SLC4A5: variants seen among roughly 807,000 people sequenced by gnomAD.
The protein encoded by SLC4A5 is solute carrier family 4 member 5.
In SLC4A5, 96 loss-of-function variants were observed where a neutral mutation model predicts 120.4. The observed-to-expected ratio is 0.80, with a 90% confidence interval of 0.68 to 0.94. The LOEUF (loss-of-function observed/expected upper bound fraction) is 0.94. Among genes scored for constraint, SLC4A5 ranks in the 40% least tolerant of loss-of-function variants. The pLI, the probability that SLC4A5 is intolerant of heterozygous loss-of-function variation, is 0.00. For synonymous variants in SLC4A5, 550 were observed against 571.1 expected (o/e 0.96, Z 0.53); for missense variants, 1,259 against 1,459.5 (o/e 0.86, Z 2.24).
At chr2:74,273,013 A>G (rs1280548536) in intron 8 of SLC4A5, among the ~76,000 whole-genome samples, 1 of 152,220 alleles carries the variant, frequency 6.6e-6, no homozygotes, top group African/African-American at 2.4e-5. Context: ...GCAGTTTTCA[A>G]TGGCTGCATT....
chr2:74,227,739 T>A (rs1694900308), intron 26 of SLC4A5, 71 bp downstream of exon 26: 2 of 1,396,290 alleles, frequency 1.4e-6, no homozygotes, highest in South Asian at 1.3e-5. Context: ...GAATTGGGGG[T>A]CTTGGTGACA....
chr2:74,285,751 C>T (rs754154782), intron 8 of SLC4A5, 22 bp downstream of exon 8: 5 of 1,606,144 alleles, frequency 3.1e-6, no homozygotes, highest in East Asian at 4.5e-5. Context: ...GTGCCCACCT[C>T]CCTCGTGGGG....
intron 6 of SLC4A5, among the ~76,000 whole-genome samples, chr2:74,305,725 T>C (rs1672622491): frequency 7.0e-6 from 1 of 142,986 alleles, no homozygotes; most frequent in African/African-American, 2.6e-5. Flanking sequence ...TCTTTCCTTT[T>C]TTTTTTTTTT....
At chr2:74,262,377 T>C in intron 10 of SLC4A5, 145 bp from the exon 11 acceptor site, 1 of 576,522 alleles carries the variant, frequency 1.7e-6, no homozygotes, top group South Asian at 2.6e-5. Context: ...TTTTTTTTTT[T>C]TTTTTAATTT....
chr2:74,308,433 G>C (rs898690598), intron 6 of SLC4A5, among the ~76,000 whole-genome samples: 5 of 152,202 alleles, frequency 3.3e-5, no homozygotes, highest in African/African-American at 1.2e-4. Flanking sequence ...ATAGGTGTTA[G>C]TGGATCTTAT....
intron 5 of SLC4A5, among the ~76,000 whole-genome samples, chr2:74,317,762 G>T (rs1332127237): frequency 6.6e-6 from 1 of 152,166 alleles, no homozygotes; most frequent in Non-Finnish European, 1.5e-5. Flanking sequence ...GGCCCTCCAG[G>T]CAGGACATTG....
intron 8 of SLC4A5, among the ~76,000 whole-genome samples, chr2:74,276,120 G>A (rs1224576911): frequency 1.3e-5 from 2 of 152,136 alleles, no homozygotes; most frequent in Non-Finnish European, 2.9e-5. Flanking sequence ...GAAGGAGAAA[G>A]AGTAGGCAGA....
At chr2:74,223,710 G>A (rs537814005) in intron 28 of SLC4A5, among the ~76,000 whole-genome samples, 14 of 152,294 alleles carry the variant, frequency 9.2e-5, no homozygotes, top group African/African-American at 3.4e-4. Context: ...AACAAAAGAA[G>A]TATTTGTCTT....
chr2:74,219,176 GGTGTGTGTGTGTGTGTGTGTGT>G (rs58141033), intron 30 of SLC4A5, among the ~76,000 whole-genome samples: 3 of 134,264 alleles, frequency 2.2e-5, no homozygotes, highest in Non-Finnish European at 4.8e-5. Flanking sequence ...GCTCTTTGGA[GGTGTGTGTGTGTGTGTGTGTGT>G]GTGTGTGTGT....
intron 2 of SLC4A5, among the ~76,000 whole-genome samples, chr2:74,341,269 G>A (rs1214131785): frequency 7.1e-6 from 1 of 140,070 alleles, no homozygotes; most frequent in Non-Finnish European, 1.5e-5. Flanking sequence ...TTGTGCCACT[G>A]CACTCCAGCC....
At chr2:74,229,881 G>GTTT (rs776603381) in intron 25 of SLC4A5, among the ~76,000 whole-genome samples, 8 of 138,982 alleles carry the variant, frequency 5.8e-5, no homozygotes, top group Admixed American at 1.4e-4. Flanking sequence ...TCTGAATGAG[G>GTTT]TTTTTTTTTT....
At chr2:74,262,198 C>T (rs764043053) in exon 11 of SLC4A5, 53 of 1,544,904 alleles carry the variant, frequency 3.4e-5, no homozygotes, top group Admixed American at 7.4e-5. Context: ...GGTGTAGACT[C>T]GGGCCAGCAC....
intron 30 of SLC4A5, among the ~76,000 whole-genome samples, chr2:74,220,446 C>T (rs752009460): frequency 1.3e-5 from 2 of 152,130 alleles, no homozygotes; most frequent in African/African-American, 2.4e-5. Flanking sequence ...CCCAGGGTTT[C>T]GATCCTTAGC....
At chr2:74,319,010 T>A (rs1297900096) in intron 5 of SLC4A5, among the ~76,000 whole-genome samples, 1 of 152,096 alleles carries the variant, frequency 6.6e-6, no homozygotes, top group Non-Finnish European at 1.5e-5. Context: ...ACATTATATA[T>A]ATATAATGGA....
intron 19 of SLC4A5, 107 bp from the exon 20 acceptor site, chr2:74,242,159 C>T: frequency 2.9e-6 from 3 of 1,033,278 alleles, no homozygotes; most frequent in Non-Finnish European, 4.2e-6. Context: ...CAAGGCCTGG[C>T]TTCCATTGTG....
intron 21 of SLC4A5, among the ~76,000 whole-genome samples, chr2:74,235,651 G>T (rs973375895): frequency 1.3e-5 from 2 of 152,154 alleles, no homozygotes; most frequent in Non-Finnish European, 2.9e-5. Context: ...ACAAGCCTGT[G>T]ACAGGTTGTT....
chr2:74,248,629 C>T (rs971727241), intron 17 of SLC4A5, 143 bp from the exon 18 acceptor site: 11 of 937,044 alleles, frequency 1.2e-5, no homozygotes, highest in Non-Finnish European at 1.7e-5. Context: ...AAATCCTGTT[C>T]TCCATCTCCT....
At chr2:74,225,242 C>G (rs1694802781) in intron 27 of SLC4A5, among the ~76,000 whole-genome samples, 1 of 152,180 alleles carries the variant, frequency 6.6e-6, no homozygotes, top group African/African-American at 2.4e-5. Context: ...GAGCCTGTGA[C>G]AGCCGAAGTG....
intron 28 of SLC4A5, 51 bp from the exon 29 acceptor site, chr2:74,223,003 CTTTCT>C: frequency 3.8e-6 from 5 of 1,305,176 alleles, no homozygotes; most frequent in Admixed American, 2.3e-5. Context: ...AACAATTTGG[CTTTCT>C]TTTTTTTTTT....
Sources: gnomAD v4.1 joint callset for allele counts (sites outside exome capture counted in the v4.1 genomes callset) on GRCh38, gnomAD v4.1.1 for gene constraint, MANE v1.5 for transcripts, NCBI Gene and HGNC (gene_info 2026-07-23, HGNC 2026-07-21) for gene names.